The following PTPRM variants were observed in gnomAD, a reference collection of about 807,000 sequenced individuals.
PTPRM encodes the protein receptor-type tyrosine-protein phosphatase mu.
Under a neutral mutation model 186.7 loss-of-function variants are expected in PTPRM, and 47 were observed. The observed-to-expected ratio is 0.25, with a 90% CI of 0.20 to 0.32. PTPRM has a LOEUF of 0.32. PTPRM is among the 10% of genes least tolerant of loss of function. The pLI is 1.00. For synonymous variants in PTPRM, 668 were observed against 674.9 expected (o/e 0.99, Z 0.16); for missense variants, 1,494 against 1,865.0 (o/e 0.80, Z 3.66).
intron 1 of PTPRM, among the ~76,000 whole-genome samples, chr18:7,719,074 A>G (rs1273567488): frequency 6.6e-6 from 1 of 152,210 alleles, no homozygotes. Context: ...AGAAGTCATT[A>G]TATGAAAAGA....
At chr18:7,931,527 C>A (rs2051484192) in intron 5 of PTPRM, among the ~76,000 whole-genome samples, 1 of 152,094 alleles carries the variant, frequency 6.6e-6, no homozygotes, top group Non-Finnish European at 1.5e-5. Flanking sequence ...ACTGTGAAAC[C>A]CTGTCTCTAC....
chr18:7,835,775 A>G (rs1233682288), intron 2 of PTPRM, among the ~76,000 whole-genome samples: 3 of 152,080 alleles, frequency 2.0e-5, no homozygotes, highest in Non-Finnish European at 4.4e-5. Context: ...TATATTTACA[A>G]TCATTATAGC....
chr18:7,961,372 A>G (rs2053671386), intron 7 of PTPRM, among the ~76,000 whole-genome samples: 2 of 152,164 alleles, frequency 1.3e-5, no homozygotes, highest in African/African-American at 2.4e-5. Context: ...GGAATCATGC[A>G]GTATTTGTCT....
intron 13 of PTPRM, among the ~76,000 whole-genome samples, chr18:8,117,755 A>G (rs1258833638): frequency 6.6e-6 from 1 of 152,194 alleles, no homozygotes; most frequent in East Asian, 1.9e-4. Flanking sequence ...TTGAGTTAAA[A>G]GATAAAGACA....
At chr18:7,581,402 G>T (rs1301042418) in intron 1 of PTPRM, among the ~76,000 whole-genome samples, 13 of 152,168 alleles carry the variant, frequency 8.5e-5, no homozygotes, top group Admixed American at 5.9e-4. Flanking sequence ...CAGTTGAAGA[G>T]TAGATAGTAC....
At chr18:8,126,899 G>A (rs1022908887) in intron 13 of PTPRM, among the ~76,000 whole-genome samples, 5 of 152,098 alleles carry the variant, frequency 3.3e-5, no homozygotes, top group South Asian at 2.1e-4. Context: ...GGAGAGCAGA[G>A]AGCGAAAAGG....
At chr18:8,127,207 G>A (rs1304668462) in intron 13 of PTPRM, among the ~76,000 whole-genome samples, 1 of 152,098 alleles carries the variant, frequency 6.6e-6, no homozygotes, top group Non-Finnish European at 1.5e-5. Flanking sequence ...TAAAAGCCAG[G>A]AATTAATACA....
At chr18:8,025,915 A>G (rs1029787660) in intron 7 of PTPRM, among the ~76,000 whole-genome samples, 1 of 152,166 alleles carries the variant, frequency 6.6e-6, no homozygotes, top group Non-Finnish European at 1.5e-5. Context: ...ACAGGTAAAC[A>G]CCTGTGTCAG....
chr18:8,063,278 C>A lies in PTPRM; in HGVS notation c.1133-6408C>A, dbSNP rs867592081. Among the ~76,000 whole-genome samples the A allele has an allele frequency of 4.3e-3, 647 of 151,116 alleles. 16 individuals carry two copies. The highest frequency in any genetic ancestry group is 0.015 in the African/African-American group (626 of 40,452). ...GGAAAGGGAACTCCCTGACCCCTTGCGCTTCCCAGGTGAGGCAATGCCTCG... is the reference window on the plus strand; with the variant it reads ...GGAAAGGGAACTCCCTGACCCCTTGAGCTTCCCAGGTGAGGCAATGCCTCG... On this transcript the variant is annotated intron_variant, in intron 7 of 32. Transcript: ENST00000580170.
intron 7 of PTPRM, among the ~76,000 whole-genome samples, chr18:8,001,319 A>G (rs2083861215): frequency 1.3e-5 from 2 of 152,174 alleles, no homozygotes; most frequent in South Asian, 4.1e-4. Context: ...TGTAAGTGCT[A>G]GTGTCTTTGC....
intron 1 of PTPRM, among the ~76,000 whole-genome samples, chr18:7,649,127 G>C (rs2038634751): frequency 6.6e-6 from 1 of 152,140 alleles, no homozygotes; most frequent in South Asian, 2.1e-4. Context: ...TCTGTAAAGG[G>C]AACAACAAAG....
intron 5 of PTPRM, among the ~76,000 whole-genome samples, chr18:7,946,549 G>A (rs939666397): frequency 6.6e-6 from 1 of 152,096 alleles, no homozygotes; most frequent in African/African-American, 2.4e-5. Context: ...TATTTCCTGG[G>A]GTGGGGTGAG....
At chr18:7,969,601 C>A (rs1374420270) in intron 7 of PTPRM, among the ~76,000 whole-genome samples, 1 of 141,244 alleles carries the variant, frequency 7.1e-6, no homozygotes, top group Non-Finnish European at 1.5e-5. Context: ...ATCAAATAGA[C>A]ACAATAAAAA....
intron 7 of PTPRM, among the ~76,000 whole-genome samples, chr18:8,037,975 T>G (rs558267173): frequency 9.8e-5 from 15 of 152,338 alleles, no homozygotes; most frequent in African/African-American, 3.6e-4. Flanking sequence ...TTTGCAGTTC[T>G]TATGGTATAT....
At chr18:8,112,191 T>C (rs112398522) in intron 11 of PTPRM, among the ~76,000 whole-genome samples, 7 of 152,368 alleles carry the variant, frequency 4.6e-5, no homozygotes, top group African/African-American at 1.7e-4. Context: ...GTTACCTGTC[T>C]ACAGAGAAAT....
At chr18:7,760,620 T>C (rs1568090501) in intron 1 of PTPRM, among the ~76,000 whole-genome samples, 1 of 152,272 alleles carries the variant, frequency 6.6e-6, no homozygotes, top group African/African-American at 2.4e-5. Flanking sequence ...AACCCACAGT[T>C]AACTATTTAC....
intron 13 of PTPRM, among the ~76,000 whole-genome samples, chr18:8,117,069 AT>A (rs2091984355): frequency 6.6e-6 from 1 of 152,208 alleles, no homozygotes; most frequent in Non-Finnish European, 1.5e-5. Context: ...ACATGGACGG[AT>A]TCATCAACCC....
intron 12 of PTPRM, among the ~76,000 whole-genome samples, chr18:8,114,427 C>T (rs1022718039): frequency 3.9e-5 from 6 of 152,174 alleles, no homozygotes; most frequent in Admixed American, 1.3e-4. Flanking sequence ...TGACTTTTGC[C>T]GGTGTAAAGG....
intron 22 of PTPRM, among the ~76,000 whole-genome samples, chr18:8,335,071 C>T (rs1383286226): frequency 6.6e-6 from 1 of 152,180 alleles, no homozygotes; most frequent in African/African-American, 2.4e-5. Context: ...CGGAACTTTC[C>T]TTAGTCATGT....
Sources: gnomAD v4.1 joint callset for allele counts (sites outside exome capture counted in the v4.1 genomes callset) on GRCh38, gnomAD v4.1.1 for gene constraint, MANE v1.5 for transcripts, NCBI Gene and HGNC (gene_info 2026-07-23, HGNC 2026-07-21) for gene names.